MYO16: variants seen among roughly 807,000 people sequenced by gnomAD.
The protein encoded by MYO16 is myosin XVI.
In MYO16, 94 loss-of-function variants were observed where a neutral mutation model predicts 205.3. The ratio of observed to expected loss-of-function variants is 0.46; its 90% CI spans 0.39 to 0.54. MYO16 has a LOEUF of 0.54. MYO16 is among the 20% of genes least tolerant of loss of function. The probability of loss-of-function intolerance (pLI) is 0.00; values close to 1 mark genes in which losing one functional copy is unlikely to be tolerated. For missense variants in MYO16, 2,315 were observed against 2,387.5 expected (o/e 0.97, Z 0.63); for synonymous variants, 988 against 954.0 (o/e 1.04, Z -0.66).
At chr13:108,960,575 G>A (rs1439363818) in intron 17 of MYO16, among the ~76,000 whole-genome samples, 2 of 152,158 alleles carry the variant, frequency 1.3e-5, no homozygotes, top group Non-Finnish European at 1.5e-5. Flanking sequence ...TGTTTCCACT[G>A]TGTATTTATA....
the MYO16 span, among the ~76,000 whole-genome samples, chr13:108,506,600 AT>A: frequency 1.3e-5 from 2 of 151,860 alleles, no homozygotes; most frequent in African/African-American, 4.8e-5. Context: ...ATAGTCCAGA[AT>A]TTTCTACATA....
chr13:108,841,073 C>A (rs1264163434), intron 9 of MYO16, among the ~76,000 whole-genome samples: 1 of 152,148 alleles, frequency 6.6e-6, no homozygotes, highest in Non-Finnish European at 1.5e-5. Flanking sequence ...TGCTAAAGAT[C>A]TCTAATTGCC....
At position 108,961,547 on chromosome 13, in the gene MYO16, G is replaced by A; in HGVS notation, c.2046G>A (p.Glu682=). The change falls in exon 18 of 35, where the codon GAG becomes GAA. Residue 682 remains glutamate (E), a synonymous_variant. Transcript: ENST00000457511. ...NVVGFSSLEV[E]NLFVILAAIL... ...GTTTGTAAAATGCATAGGAGGTGGAGAATCTGTTCGTAATTCTAGCAGCAA... is the reference window on the plus strand; with the variant it reads ...GTTTGTAAAATGCATAGGAGGTGGAAAATCTGTTCGTAATTCTAGCAGCAA... 2 of 1,613,468 alleles carry A rather than the reference G, an allele frequency of 1.2e-6. No homozygotes were observed. Among genetic ancestry groups the A allele is most frequent in the Non-Finnish European group, 1.7e-6 (2 of 1,179,408 alleles).
chr13:108,977,381 A>G (rs180740639), intron 20 of MYO16, among the ~76,000 whole-genome samples: 2 of 152,238 alleles, frequency 1.3e-5, no homozygotes, highest in East Asian at 1.9e-4. Context: ...CCCGAGGTGT[A>G]TATTTAGTGG....
At chr13:109,046,056 C>T (rs551207798) in intron 23 of MYO16, among the ~76,000 whole-genome samples, 3 of 152,058 alleles carry the variant, frequency 2.0e-5, no homozygotes, top group Admixed American at 6.5e-5. Context: ...GGCGGATCCT[C>T]GCCCTCCCTC....
chr13:109,188,599 C>A (rs914796720), intron 34 of MYO16, among the ~76,000 whole-genome samples: 3 of 152,138 alleles, frequency 2.0e-5, no homozygotes, highest in African/African-American at 7.2e-5. Context: ...ATTGACTCAA[C>A]ACCATCACAA....
intron 1 of MYO16, among the ~76,000 whole-genome samples, chr13:108,652,199 G>C (rs574331978): frequency 6.6e-6 from 1 of 152,312 alleles, no homozygotes; most frequent in South Asian, 2.1e-4. Context: ...GAATGTGTCT[G>C]TGTGTCTACA....
chr13:109,149,151 A>G (rs1877508751), intron 32 of MYO16, among the ~76,000 whole-genome samples: 1 of 152,180 alleles, frequency 6.6e-6, no homozygotes, highest in African/African-American at 2.4e-5. Flanking sequence ...CTTTCCTACA[A>G]AGTGCAAAGA....
chr13:108,569,106 A>G, the MYO16 span, among the ~76,000 whole-genome samples: 1 of 152,122 alleles, frequency 6.6e-6, no homozygotes, highest in Non-Finnish European at 1.5e-5. Context: ...CTGTGCTCCA[A>G]CATTGTTGTT....
intron 17 of MYO16, among the ~76,000 whole-genome samples, chr13:108,958,393 T>C (rs543122151): frequency 6.6e-6 from 1 of 152,044 alleles, no homozygotes; most frequent in East Asian, 1.9e-4. Context: ...TGTTAAAACA[T>C]CTTCTTGAAC....
At chr13:108,540,752 G>A in the MYO16 span, among the ~76,000 whole-genome samples, 1 of 152,062 alleles carries the variant, frequency 6.6e-6, no homozygotes, top group East Asian at 1.9e-4. Context: ...GCCCATTTCT[G>A]AAGAGCCACT....
chr13:108,634,237 G>A (rs1452373385), intron 1 of MYO16, among the ~76,000 whole-genome samples: 1 of 152,236 alleles, frequency 6.6e-6, no homozygotes, highest in African/African-American at 2.4e-5. Flanking sequence ...AGGCTGAGGA[G>A]TTACAAACCT....
At chr13:108,839,614 A>G (rs9301326) in intron 9 of MYO16, among the ~76,000 whole-genome samples, 3,132 of 152,238 alleles carry the variant, frequency 0.021, 99 homozygotes, top group African/African-American at 0.071. Flanking sequence ...CCTTGATACA[A>G]TGTTTGTTGC....
intron 20 of MYO16, among the ~76,000 whole-genome samples, chr13:108,990,849 G>A (rs1336685903): frequency 2.0e-5 from 3 of 152,116 alleles, no homozygotes; most frequent in Non-Finnish European, 2.9e-5. Context: ...TCATTGAAGT[G>A]ATGTATTATA....
intron 27 of MYO16, among the ~76,000 whole-genome samples, chr13:109,075,341 T>G (rs891138510): frequency 2.0e-3 from 67 of 34,350 alleles, no homozygotes; most frequent in African/African-American, 3.7e-3. Context: ...GATCAGTCTT[T>G]TACATTTCTG....
chr13:108,571,999 A>G, the MYO16 span, among the ~76,000 whole-genome samples: 1 of 151,512 alleles, frequency 6.6e-6, no homozygotes, highest in Non-Finnish European at 1.5e-5. Context: ...CCCTCACTGC[A>G]GCCTTGACCT....
the MYO16 span, among the ~76,000 whole-genome samples, chr13:108,549,118 A>G: frequency 6.6e-6 from 1 of 152,220 alleles, no homozygotes; most frequent in Admixed American, 6.5e-5. Flanking sequence ...TGCTTCTTGA[A>G]GATGTCCATG....
intron 33 of MYO16, among the ~76,000 whole-genome samples, chr13:109,173,623 C>T (rs369703704): frequency 7.9e-5 from 12 of 151,976 alleles, no homozygotes; most frequent in African/African-American, 2.2e-4. Context: ...CGGCCGGGCG[C>T]GGTGGCTCAC....
At chr13:108,624,781 CTGAG>C (rs10531476), upstream of MYO16, among the ~76,000 whole-genome samples, 23,169 of 121,198 alleles carry the variant, frequency 0.19, 2,100 homozygotes, top group East Asian at 0.29. Context: ...CCCATATAGC[CTGAG>C]TGTGTGTGTG....
Sources: gnomAD v4.1 joint callset for allele counts (sites outside exome capture counted in the v4.1 genomes callset) on GRCh38, gnomAD v4.1.1 for gene constraint, MANE v1.5 for transcripts, NCBI Gene and HGNC (gene_info 2026-07-23, HGNC 2026-07-21) for gene names.